ARHGAP44: variants seen among roughly 807,000 people sequenced by gnomAD.
ARHGAP44 encodes the protein Rho GTPase activating protein 44.
Under a neutral mutation model 106.8 loss-of-function variants are expected in ARHGAP44, and 43 were observed. The observed-to-expected ratio is 0.40, with a 90% CI of 0.32 to 0.52. ARHGAP44 has a LOEUF of 0.52. Among genes scored for constraint, ARHGAP44 ranks in the 20% least tolerant of loss-of-function variants. The pLI is 0.48. For missense variants in ARHGAP44, 866 were observed against 1,050.5 expected, an observed-to-expected ratio of 0.82 and a Z score of 2.43; for synonymous variants, 439 against 410.3, an observed-to-expected ratio of 1.07 and a Z score of -0.85.
At chr17:12,816,114 T>C (rs139230942) in intron 1 of ARHGAP44, among the ~76,000 whole-genome samples, 5 of 152,188 alleles carry the variant, frequency 3.3e-5, no homozygotes, top group African/African-American at 4.8e-5. Flanking sequence ...TTAGTTGCAG[T>C]ATGCAGGGTG....
chr17:12,878,083 T>C (rs2036612828), intron 1 of ARHGAP44, among the ~76,000 whole-genome samples: 1 of 152,244 alleles, frequency 6.6e-6, no homozygotes, highest in Non-Finnish European at 1.5e-5. Context: ...TTCATATTTT[T>C]AGAGATTGGG....
chr17:12,911,217 G>C lies in ARHGAP44; in HGVS notation c.275+2244G>C, dbSNP rs1439654245. Among the ~76,000 whole-genome samples the C allele has an allele frequency of 2.0e-5, 3 of 152,130 alleles. No homozygotes were observed. The South Asian group carries it at 6.2e-4, about 32-fold the overall frequency. On this transcript the variant is annotated intron_variant, in intron 4 of 20. Coordinates refer to ENST00000379672, the MANE Select transcript of ARHGAP44 (RefSeq NM_014859.6). ...ATCCTGTTGTATGGTATTTCCAAGA[G>C]TCATGCCTATAATATAATGACAGAG...
intron 19 of ARHGAP44, among the ~76,000 whole-genome samples, chr17:12,981,883 C>T (rs1567723475): frequency 6.6e-6 from 1 of 152,002 alleles, no homozygotes; most frequent in Non-Finnish European, 1.5e-5. Context: ...TGGTGGTGGG[C>T]GTCTGTAATC....
chr17:12,792,627 A>G (rs1457538789), intron 1 of ARHGAP44, among the ~76,000 whole-genome samples: 1 of 152,216 alleles, frequency 6.6e-6, no homozygotes, highest in Non-Finnish European at 1.5e-5. Flanking sequence ...TTAGGTGTGC[A>G]GTTATAAAGC....
At chr17:12,813,349 T>A (rs2034495276) in intron 1 of ARHGAP44, among the ~76,000 whole-genome samples, 1 of 150,556 alleles carries the variant, frequency 6.6e-6, no homozygotes, top group Admixed American at 6.6e-5. Flanking sequence ...AAAGTAAAAA[T>A]AAGGAGACAG....
chr17:12,811,607 C>T (rs957727469), intron 1 of ARHGAP44, among the ~76,000 whole-genome samples: 3 of 152,122 alleles, frequency 2.0e-5, no homozygotes, highest in Non-Finnish European at 4.4e-5. Context: ...ACTGTATATA[C>T]GTCTGAAATG....
chr17:12,896,298 A>C, intron 2 of ARHGAP44, 109 bp from the exon 3 acceptor site: 2 of 847,846 alleles, frequency 2.4e-6, no homozygotes, highest in Non-Finnish European at 3.7e-6. Context: ...CTGTCTCTCC[A>C]GGAGTCCTTG....
At chr17:12,847,760 C>T (rs974593547) in intron 1 of ARHGAP44, among the ~76,000 whole-genome samples, 10 of 152,156 alleles carry the variant, frequency 6.6e-5, no homozygotes, top group South Asian at 2.1e-4. Context: ...CCGCCTCGGC[C>T]TCCCAAAGTG....
rs111492623 is a variant in ARHGAP44 at position 12,876,979 on chromosome 17, C to T, written c.54-17961C>T. On this transcript the variant is annotated intron_variant, in intron 1 of 20. Coordinates refer to ENST00000379672, the MANE Select transcript of ARHGAP44 (RefSeq NM_014859.6). ...GGGCTGAGTCTGATGGGGCCTAGCT[C>T]GGGACTATGCAAGTAGAAAGGGACC... Among the ~76,000 whole-genome samples the T allele has an allele frequency of 1.1e-3, 168 of 151,158 alleles. 2 individuals are homozygous for T. The highest frequency in any genetic ancestry group is 2.7e-3 in the African/African-American group (111 of 41,146).
intron 1 of ARHGAP44, among the ~76,000 whole-genome samples, chr17:12,808,535 G>T (rs186324250): frequency 6.6e-6 from 1 of 152,228 alleles, no homozygotes; most frequent in Non-Finnish European, 1.5e-5. Flanking sequence ...CATAGGGCTT[G>T]CATCCTCTGA....
At chr17:12,879,659 G>A (rs6502209) in intron 1 of ARHGAP44, among the ~76,000 whole-genome samples, 128,873 of 148,594 alleles carry the variant, frequency 0.87, 56,265 homozygotes, top group Non-Finnish European at 0.92. Flanking sequence ...TTTTATGTAT[G>A]TATAAATATA....
intron 1 of ARHGAP44, among the ~76,000 whole-genome samples, chr17:12,843,996 C>T (rs1002105268): frequency 6.6e-6 from 1 of 152,106 alleles, no homozygotes; most frequent in Non-Finnish European, 1.5e-5. Context: ...TGAGCTCAAA[C>T]TCAAAACTCT....
At chr17:12,790,011 C>A in intron 1 of ARHGAP44, 120 bp downstream of exon 1, 3 of 927,014 alleles carry the variant, frequency 3.2e-6, no homozygotes, top group Non-Finnish European at 4.6e-6. Context: ...TTCCCCTGCA[C>A]CAGCTCCCTC....
At chr17:12,920,331 A>G (rs541184931) in intron 6 of ARHGAP44, among the ~76,000 whole-genome samples, 9,181 of 114,064 alleles carry the variant, frequency 0.08, 674 homozygotes, top group African/African-American at 0.26. Flanking sequence ...AGCCGAGATC[A>G]TGCCACTGCA....
chr17:12,985,342 T>A (rs1162145338), intron 20 of ARHGAP44: 1 of 161,032 alleles, frequency 6.2e-6, no homozygotes, highest in Non-Finnish European at 1.3e-5. Flanking sequence ...CCCAAGATGT[T>A]TTTTACTATT....
At chr17:12,963,220 C>G (rs1057282916) in intron 16 of ARHGAP44, among the ~76,000 whole-genome samples, 1 of 152,052 alleles carries the variant, frequency 6.6e-6, no homozygotes, top group Non-Finnish European at 1.5e-5. Flanking sequence ...GTGTTGGAAT[C>G]TGATTGCTTT....
At chr17:12,944,247 G>T in intron 10 of ARHGAP44, 51 bp downstream of exon 10, 2 of 1,537,780 alleles carry the variant, frequency 1.3e-6, no homozygotes, top group Non-Finnish European at 8.8e-7. Context: ...CCTCTTCCAC[G>T]AGACAGAGCT....
At chr17:12,973,158 T>C in intron 16 of ARHGAP44, 144 bp from the exon 17 acceptor site, 1 of 789,148 alleles carries the variant, frequency 1.3e-6, no homozygotes, top group Non-Finnish European at 2.0e-6. Flanking sequence ...ACCAACTAAA[T>C]TGTAATAATT....
intron 1 of ARHGAP44, among the ~76,000 whole-genome samples, chr17:12,861,032 T>A (rs1167081354): frequency 6.6e-6 from 1 of 152,074 alleles, no homozygotes; most frequent in Non-Finnish European, 1.5e-5. Flanking sequence ...AACTTTTGTA[T>A]TTTTGTAGAG....
Sources: allele counts gnomAD v4.1 joint callset (sites outside exome capture counted in the v4.1 genomes callset), GRCh38; gene constraint gnomAD v4.1.1; transcripts MANE v1.5; gene names NCBI Gene and HGNC (gene_info 2026-07-23, HGNC 2026-07-21).